PAPPA2: variants seen among roughly 807,000 people sequenced by gnomAD.
PAPPA2 encodes the protein pappalysin-2.
Under a neutral mutation model 176.4 loss-of-function variants are expected in PAPPA2, and 86 were observed. That is an observed-to-expected ratio of 0.49 (90% CI 0.41 to 0.58). The LOEUF (loss-of-function observed/expected upper bound fraction) is 0.58, where lower values mean the gene tolerates loss of function less well. PAPPA2 is among the 20% of genes least tolerant of loss of function. The pLI, the probability that PAPPA2 is intolerant of heterozygous loss-of-function variation, is 0.00. For missense variants in PAPPA2, 2,073 were observed against 2,256.9 expected, an observed-to-expected ratio of 0.92 and a Z score of 1.65; for synonymous variants, 809 against 852.2, an observed-to-expected ratio of 0.95 and a Z score of 0.88.
intron 13 of PAPPA2, 46 bp from the exon 14 acceptor site, chr1:176,739,934 G>T (rs1211729681): frequency 1.9e-6 from 3 of 1,599,962 alleles, no homozygotes; most frequent in Non-Finnish European, 2.6e-6. Flanking sequence ...TGGAAACATG[G>T]TACTAACAAT....
chr1:176,701,796 A>G (rs1660660997), intron 8 of PAPPA2, among the ~76,000 whole-genome samples: 1 of 152,148 alleles, frequency 6.6e-6, no homozygotes, highest in South Asian at 2.1e-4. Flanking sequence ...GTAGTTTTCC[A>G]ATTAGGGCAG....
intron 21 of PAPPA2, among the ~76,000 whole-genome samples, chr1:176,816,253 A>ATATATATGTATG (rs1553209488): frequency 1.4e-5 from 2 of 138,124 alleles, no homozygotes; most frequent in African/African-American, 2.8e-5. Context: ...ATATATATAT[A>ATATATATGTATG]TATGTATGTA....
chr1:176,572,390 C>T (rs925120558), intron 2 of PAPPA2, among the ~76,000 whole-genome samples: 3 of 152,188 alleles, frequency 2.0e-5, no homozygotes, highest in Non-Finnish European at 4.4e-5. Flanking sequence ...CCTCTTTGAA[C>T]ACTGGGCTCT....
chr1:176,672,841 A>T (rs1175520447), intron 4 of PAPPA2, among the ~76,000 whole-genome samples: 1 of 152,154 alleles, frequency 6.6e-6, no homozygotes, highest in Non-Finnish European at 1.5e-5. Context: ...TTTTATCACT[A>T]AACTGTATTT....
At chr1:176,577,291 A>T (rs1652707471) in intron 2 of PAPPA2, among the ~76,000 whole-genome samples, 1 of 152,208 alleles carries the variant, frequency 6.6e-6, no homozygotes, top group East Asian at 1.9e-4. Context: ...TCTCCCTGCA[A>T]ATCTGCTTCA....
At chr1:176,747,012 C>T (rs553340635) in intron 14 of PAPPA2, among the ~76,000 whole-genome samples, 27 of 152,222 alleles carry the variant, frequency 1.8e-4, no homozygotes, top group Middle Eastern at 3.4e-3. Context: ...AACTGAGACT[C>T]AAGGGCACAA....
At position 176,612,419 on chromosome 1, in the gene PAPPA2, A is replaced by G. The variant is rs548253739; in HGVS notation, c.1991+16824A>G. On this transcript the variant is annotated intron_variant, in intron 3 of 22. Transcript: ENST00000367662. ...AAAAAAAAACCAAAAACCAAAAAAC[A>G]ACAACGACAGCAAAAAAAAGACTAA... Among the ~76,000 whole-genome samples, 4 of 152,172 alleles carry G rather than the reference A, an allele frequency of 2.6e-5. No individual in the cohort carries two copies. The East Asian group carries it at 5.8e-4, about 22-fold the overall frequency.
intron 1 of PAPPA2, among the ~76,000 whole-genome samples, chr1:176,477,000 A>G (rs577985444): frequency 1.3e-5 from 2 of 152,184 alleles, no homozygotes; most frequent in Non-Finnish European, 2.9e-5. Context: ...GAACTTTTAC[A>G]TGAGCCACGG....
rs1035019367 is a variant in PAPPA2 at position 176,537,274 on chromosome 1, A to C, written c.-916-18133A>C. 2.0e-5 allele frequency: 3 copies of C among 152,200 alleles called. 1 individual carries two copies. The highest frequency in any genetic ancestry group is 4.4e-5 in the Non-Finnish European group (3 of 68,048). 9.4% of individuals were successfully genotyped at this position (152,200 alleles called of 1,614,324 possible). A position where few individuals can be genotyped will look rare whatever the true frequency, so the allele number is the denominator to read the frequency against. On this transcript the variant is annotated intron_variant, in intron 1 of 22. Transcript: ENST00000367662. ...AATTCTGTTCCCCAGGGCTGACTCA[A>C]TGGACACCCACTGGTTGCTCCCCAG... is the stretch of plus-strand genomic sequence containing the variant.
chr1:176,717,105 G>T (rs539322215), intron 12 of PAPPA2, among the ~76,000 whole-genome samples: 1 of 152,288 alleles, frequency 6.6e-6, no homozygotes, highest in African/African-American at 2.4e-5. Flanking sequence ...CCACCCTTCT[G>T]CAGCCCCCTG....
intron 18 of PAPPA2, 35 bp downstream of exon 18, chr1:176,790,012 C>T: frequency 6.2e-7 from 1 of 1,605,704 alleles, no homozygotes; most frequent in Admixed American, 1.7e-5. Flanking sequence ...TTTCATCAGG[C>T]TGTGCTCTAA....
intron 3 of PAPPA2, among the ~76,000 whole-genome samples, chr1:176,664,953 G>T (rs1461565481): frequency 2.6e-5 from 4 of 152,256 alleles, no homozygotes; most frequent in Middle Eastern, 6.8e-3. Flanking sequence ...TCTTTCTGGG[G>T]TCATCAGCAG....
intron 15 of PAPPA2, 109 bp downstream of exon 15, chr1:176,765,946 A>G (rs1371150404): frequency 7.7e-7 from 1 of 1,291,152 alleles, no homozygotes; most frequent in Non-Finnish European, 1.1e-6. Flanking sequence ...AAACCATTTG[A>G]AAGCAAAACA....
At chr1:176,593,740 G>T (rs1423430357) in intron 2 of PAPPA2, among the ~76,000 whole-genome samples, 1 of 152,202 alleles carries the variant, frequency 6.6e-6, no homozygotes, top group East Asian at 1.9e-4. Flanking sequence ...GGCCTGCCCT[G>T]AGCAAGGCAG....
chr1:176,810,000 G>A (rs1399832399), intron 21 of PAPPA2, among the ~76,000 whole-genome samples: 1 of 138,568 alleles, frequency 7.2e-6, no homozygotes, highest in Non-Finnish European at 1.6e-5. Context: ...GTGTGTGTGT[G>A]TTACAGTTCT....
chr1:176,510,316 A>G (rs1438058570), intron 1 of PAPPA2, among the ~76,000 whole-genome samples: 1 of 152,224 alleles, frequency 6.6e-6, no homozygotes, highest in Admixed American at 6.5e-5. Flanking sequence ...AGCCTATTTA[A>G]ACCAGAAGAC....
intron 3 of PAPPA2, among the ~76,000 whole-genome samples, chr1:176,619,106 C>T (rs959237990): frequency 1.5e-4 from 23 of 152,132 alleles, no homozygotes; most frequent in African/African-American, 4.6e-4. Context: ...ATACTTCATA[C>T]GGGTATGGCT....
At chr1:176,526,999 G>C (rs1377537941) in intron 1 of PAPPA2, among the ~76,000 whole-genome samples, 1 of 151,990 alleles carries the variant, frequency 6.6e-6, no homozygotes, top group Non-Finnish European at 1.5e-5. Flanking sequence ...TAGAGATGGG[G>C]TCTCATTATG....
chr1:176,555,974 GA>G lies in PAPPA2; in HGVS notation c.-340del, dbSNP rs369073030. On this transcript the variant is annotated 5_prime_UTR_variant, in exon 2 of 23. The change creates a premature stop within an existing upstream ORF in the 5' untranslated region. Coordinates refer to ENST00000367662, the MANE Select transcript of PAPPA2 (RefSeq NM_020318.3). ...GAGGGATTACTGAAGAAGAAGGGGG[GA>G]AAAAAAAAGAAAGAAATCTGAGCTT... 1.2e-3 allele frequency: 264 copies of G among 221,018 alleles called. No individual in the cohort carries two copies. Among genetic ancestry groups the G allele is most frequent in the Middle Eastern group, 3.2e-3 (2 of 618 alleles). The allele number at this position is 221,018 out of a possible 1,614,324, so 13.7% of individuals were successfully genotyped here.
Sources: allele counts gnomAD v4.1 joint callset (sites outside exome capture counted in the v4.1 genomes callset), GRCh38; gene constraint gnomAD v4.1.1; transcripts MANE v1.5; gene names NCBI Gene and HGNC (gene_info 2026-07-23, HGNC 2026-07-21).